The following RAD54L2 variants were observed in gnomAD, a reference collection of about 807,000 sequenced individuals.
The protein encoded by RAD54L2 is helicase ARIP4.
RAD54L2 carries 27 observed loss-of-function variants against 138.4 expected under a neutral mutation model. The observed-to-expected ratio is 0.20, with a 90% CI of 0.14 to 0.27. The LOEUF (loss-of-function observed/expected upper bound fraction) is 0.27, where lower values mean the gene tolerates loss of function less well. Ranked by LOEUF, RAD54L2 falls within the 10% of genes least tolerant of loss-of-function variation. RAD54L2 has a pLI of 1.00. For synonymous variants in RAD54L2, 644 were observed against 723.2 expected, an observed-to-expected ratio of 0.89 and a Z score of 1.76; for missense variants, 1,396 against 1,890.2, an observed-to-expected ratio of 0.74 and a Z score of 4.85.
chr3:51,618,134 A>ATTT (rs58259844), intron 3 of RAD54L2, among the ~76,000 whole-genome samples: 1 of 112,138 alleles, frequency 8.9e-6, no homozygotes, highest in Admixed American at 9.2e-5. Context: ...AATATTTTGT[A>ATTT]TTTTTTTTTT....
At chr3:51,642,921 C>T (rs893862007) in intron 15 of RAD54L2, among the ~76,000 whole-genome samples, 1 of 152,130 alleles carries the variant, frequency 6.6e-6, no homozygotes, top group Non-Finnish European at 1.5e-5. Context: ...ACTGTTGCTT[C>T]CTACAACAGT....
intron 10 of RAD54L2, 141 bp downstream of exon 10, chr3:51,635,930 C>CAGT (rs1700974849): frequency 1.1e-6 from 1 of 888,250 alleles, no homozygotes; most frequent in Non-Finnish European, 1.7e-6. Context: ...TTCCCAAGAT[C>CAGT]AGTAGGATGA....
intron 2 of RAD54L2, among the ~76,000 whole-genome samples, chr3:51,572,635 A>G (rs1293580471): frequency 6.6e-6 from 1 of 150,742 alleles, no homozygotes; most frequent in Non-Finnish European, 1.5e-5. Flanking sequence ...AAAAGGTGCT[A>G]TAAATCTTTT....
At chr3:51,625,587 A>G (rs1700660055) in intron 3 of RAD54L2, among the ~76,000 whole-genome samples, 1 of 152,186 alleles carries the variant, frequency 6.6e-6, no homozygotes, top group Non-Finnish European at 1.5e-5. Context: ...GGCTTGGTGC[A>G]GTGGCTCATG....
At chr3:51,627,504 C>A (rs765795338) in intron 3 of RAD54L2, 49 bp from the exon 4 acceptor site, 1 of 1,515,058 alleles carries the variant, frequency 6.6e-7, no homozygotes, top group African/African-American at 1.4e-5. Flanking sequence ...CATCCAGACT[C>A]ATTCCCCCTC....
chr3:51,559,977 G>A (rs982569510), intron 2 of RAD54L2, among the ~76,000 whole-genome samples: 3 of 152,164 alleles, frequency 2.0e-5, no homozygotes. Context: ...TGCTGCTGTT[G>A]ACTGATTGCC....
At chr3:51,647,678 ATT>A (rs950074609) in intron 19 of RAD54L2, among the ~76,000 whole-genome samples, 1 of 151,272 alleles carries the variant, frequency 6.6e-6, no homozygotes, top group Admixed American at 6.6e-5. Context: ...TCAAAAAAAA[ATT>A]TTTTTTTCTT....
chr3:51,552,942 C>T (rs1471228484), intron 2 of RAD54L2, among the ~76,000 whole-genome samples: 2 of 152,108 alleles, frequency 1.3e-5, no homozygotes, highest in African/African-American at 4.8e-5. Context: ...AGAGGATGAG[C>T]ATCTTTTCAT....
At chr3:51,607,543 C>T (rs1700215523) in intron 3 of RAD54L2, among the ~76,000 whole-genome samples, 1 of 152,238 alleles carries the variant, frequency 6.6e-6, no homozygotes. Context: ...ATCTTTCTTT[C>T]TTTTCCCCAC....
chr3:51,548,888 G>T (rs996595518), intron 2 of RAD54L2, among the ~76,000 whole-genome samples: 2 of 147,702 alleles, frequency 1.4e-5, no homozygotes, highest in Admixed American at 6.9e-5. Context: ...GTGCAGTGGC[G>T]CCATCTCCGC....
chr3:51,662,877 G>A lies in RAD54L2; in HGVS notation c.3861G>A (p.Gly1287=), dbSNP rs1214568420. ...CCCCCGTGCAGCCGTATGAACACGGGTATCCAGTCTCTGGCGGGTTTGCCA... is the reference window on the plus strand; with the variant it reads ...CCCCCGTGCAGCCGTATGAACACGGATATCCAGTCTCTGGCGGGTTTGCCA... ...LPAPVQPYEH[G]YPVSGGFAMP... The change falls in exon 23 of 23, where the codon GGG becomes GGA. Residue 1287 remains glycine (G), a synonymous_variant. Coordinates refer to ENST00000684192, the MANE Select transcript of RAD54L2 (RefSeq NM_015106.4). The surrounding 1 kb of genome is among the most constrained non-coding windows in gnomAD (Gnocchi z 4.6). 6.8e-6 allele frequency: 11 copies of A among 1,613,746 alleles called. No homozygotes were observed. The highest frequency in any genetic ancestry group is 8.5e-6 in the Non-Finnish European group (10 of 1,179,874).
intron 2 of RAD54L2, among the ~76,000 whole-genome samples, chr3:51,542,862 G>A (rs1268743531): frequency 6.6e-6 from 1 of 152,172 alleles, no homozygotes; most frequent in Non-Finnish European, 1.5e-5. Flanking sequence ...TTTGTATGGG[G>A]AAGCCAGGAG....
intron 19 of RAD54L2, among the ~76,000 whole-genome samples, chr3:51,653,548 T>A (rs1264977028): frequency 2.0e-5 from 3 of 152,152 alleles, no homozygotes; most frequent in Non-Finnish European, 4.4e-5. Flanking sequence ...CCATCAATGA[T>A]AGACTGAATT....
At chr3:51,622,863 C>T (rs1014491374) in intron 3 of RAD54L2, among the ~76,000 whole-genome samples, 2 of 152,208 alleles carry the variant, frequency 1.3e-5, no homozygotes, top group Non-Finnish European at 2.9e-5. Flanking sequence ...CTTGTTGCTG[C>T]TTTACTTCCT....
intron 3 of RAD54L2, among the ~76,000 whole-genome samples, chr3:51,613,407 C>T (rs1700376823): frequency 6.6e-6 from 1 of 152,152 alleles, no homozygotes; most frequent in South Asian, 2.1e-4. Flanking sequence ...GGCCAAAAAT[C>T]ATCGTGATGC....
intron 2 of RAD54L2, among the ~76,000 whole-genome samples, chr3:51,563,953 T>A (rs1699157329): frequency 6.6e-6 from 1 of 152,230 alleles, no homozygotes; most frequent in Admixed American, 6.5e-5. Context: ...AACATGCCAC[T>A]TCCTGTCAAG....
intron 3 of RAD54L2, among the ~76,000 whole-genome samples, chr3:51,610,246 C>T (rs1375569435): frequency 1.3e-5 from 2 of 152,140 alleles, no homozygotes; most frequent in African/African-American, 2.4e-5. Flanking sequence ...GGGTCACAAT[C>T]CCCCGAGGCT....
chr3:51,570,021 C>T (rs1699301851), intron 2 of RAD54L2, among the ~76,000 whole-genome samples: 1 of 151,650 alleles, frequency 6.6e-6, no homozygotes, highest in Non-Finnish European at 1.5e-5. Context: ...TTTATAGAGA[C>T]AGGGTCTCAC....
intron 3 of RAD54L2, among the ~76,000 whole-genome samples, chr3:51,606,810 G>A (rs1700191020): frequency 6.6e-6 from 1 of 151,754 alleles, no homozygotes; most frequent in Non-Finnish European, 1.5e-5. Context: ...ACCCTCCCAA[G>A]TAGATGGTAT....
Sources: gnomAD v4.1 joint callset for allele counts (sites outside exome capture counted in the v4.1 genomes callset) on GRCh38, gnomAD v4.1.1 for gene constraint, Gnocchi (gnomAD v3.1) non-coding constraint, MANE v1.5 for transcripts, NCBI Gene and HGNC (gene_info 2026-07-23, HGNC 2026-07-21) for gene names.